The following NCAM1 variants were observed in gnomAD, a reference collection of about 807,000 sequenced individuals.
NCAM1 encodes neural cell adhesion molecule 1.
A neutral mutation model predicts 109.8 loss-of-function variants in NCAM1; 14 were observed. The observed-to-expected ratio is 0.13, with a 90% CI of 0.08 to 0.20. The LOEUF (loss-of-function observed/expected upper bound fraction) is 0.20. NCAM1 is among the 10% of genes least tolerant of loss of function. NCAM1 has a pLI of 1.00. For synonymous variants in NCAM1, 418 were observed against 442.9 expected (o/e 0.94, Z 0.70); for missense variants, 774 against 1,109.9 (o/e 0.70, Z 4.30).
chr11:113,034,275 CT>C (rs57374396), intron 1 of NCAM1, among the ~76,000 whole-genome samples: 20,650 of 147,910 alleles, frequency 0.14, 1,446 homozygotes, highest in African/African-American at 0.15. Context: ...GGACAATAGA[CT>C]TTTTTTTTTT....
intron 15 of NCAM1, among the ~76,000 whole-genome samples, chr11:113,252,752 C>T (rs559479785): frequency 6.7e-6 from 1 of 149,640 alleles, no homozygotes; most frequent in South Asian, 2.1e-4. Flanking sequence ...TCTCGTGCCT[C>T]AGCCTCTTCA....
chr11:113,131,743 G>C (rs149780935), intron 1 of NCAM1, among the ~76,000 whole-genome samples: 1 of 152,324 alleles, frequency 6.6e-6, no homozygotes, highest in African/African-American at 2.4e-5. Flanking sequence ...GCTGATAGGA[G>C]AGATGAGTGG....
chr11:113,125,796 A>C (rs546205376), intron 1 of NCAM1, among the ~76,000 whole-genome samples: 2 of 152,146 alleles, frequency 1.3e-5, no homozygotes, highest in Non-Finnish European at 2.9e-5. Context: ...CCCACATTGC[A>C]AAGTGTGATC....
intron 1 of NCAM1, among the ~76,000 whole-genome samples, chr11:113,036,443 C>T (rs1952888308): frequency 6.6e-6 from 1 of 151,990 alleles, no homozygotes; most frequent in South Asian, 2.1e-4. Context: ...ATTCCATTGC[C>T]TGAACCACCT....
intron 1 of NCAM1, among the ~76,000 whole-genome samples, chr11:113,158,748 T>C (rs1261317651): frequency 6.6e-6 from 1 of 152,214 alleles, no homozygotes; most frequent in Non-Finnish European, 1.5e-5. Flanking sequence ...GTAGTAGACA[T>C]GCTGTACATA....
At chr11:113,118,576 T>C (rs1061) in intron 1 of NCAM1, among the ~76,000 whole-genome samples, 86,303 of 151,680 alleles carry the variant, frequency 0.57, 25,137 homozygotes, top group African/African-American at 0.62. Flanking sequence ...ACTTATTTAT[T>C]GTCTGTCTCC....
intron 1 of NCAM1, among the ~76,000 whole-genome samples, chr11:113,080,508 A>G (rs1938759534): frequency 6.9e-6 from 1 of 145,532 alleles, no homozygotes; most frequent in Non-Finnish European, 1.5e-5. Context: ...GTCAAGTTTG[A>G]TGCGGGTGGT....
intron 1 of NCAM1, among the ~76,000 whole-genome samples, 188 bp downstream of exon 1, chr11:112,961,852 T>C (rs1055990531): frequency 3.9e-5 from 6 of 152,106 alleles, no homozygotes; most frequent in Non-Finnish European, 7.4e-5. Context: ...AGGGCTGCGC[T>C]GCACGGGGCT....
chr11:113,240,618 C>T, intron 14 of NCAM1: 1 of 668,770 alleles, frequency 1.5e-6, no homozygotes, highest in Non-Finnish European at 2.7e-6. Flanking sequence ...AGCCCTGCTC[C>T]TCGCTAGTGC....
chr11:113,154,340 G>C (rs144852176), intron 1 of NCAM1, among the ~76,000 whole-genome samples: 2 of 152,312 alleles, frequency 1.3e-5, no homozygotes, highest in East Asian at 3.9e-4. Flanking sequence ...ACAGATGTGG[G>C]GTTTTTCAAG....
At chr11:113,234,096 ACTT>A (rs1945091231) in intron 13 of NCAM1, among the ~76,000 whole-genome samples, 2 of 149,010 alleles carry the variant, frequency 1.3e-5, no homozygotes, top group Admixed American at 1.3e-4. Context: ...AGTTTCCATC[ACTT>A]CTTCAGCTTC....
chr11:113,211,340 A>G (rs1944386913), intron 7 of NCAM1, among the ~76,000 whole-genome samples: 1 of 152,232 alleles, frequency 6.6e-6, no homozygotes, highest in Non-Finnish European at 1.5e-5. Flanking sequence ...CTGTGGCCTC[A>G]AGAAGGAATG....
At chr11:113,220,152 A>C (rs946774548) in intron 8 of NCAM1, among the ~76,000 whole-genome samples, 4 of 152,258 alleles carry the variant, frequency 2.6e-5, no homozygotes, top group Non-Finnish European at 4.4e-5. Flanking sequence ...TATGAAAAAC[A>C]GATAAACTGT....
intron 1 of NCAM1, among the ~76,000 whole-genome samples, chr11:113,067,942 G>GCT (rs1555084498): frequency 1.5e-5 from 2 of 131,458 alleles, no homozygotes; most frequent in African/African-American, 5.8e-5. Context: ...ACGGAGTCTC[G>GCT]CTCTGTCACC....
intron 1 of NCAM1, among the ~76,000 whole-genome samples, chr11:112,994,596 A>C (rs1244955067): frequency 6.6e-6 from 1 of 152,208 alleles, no homozygotes; most frequent in Non-Finnish European, 1.5e-5. Flanking sequence ...ACAATGGGGA[A>C]GAGGAGTCAG....
At chr11:113,157,136 GACACACACAC>G (rs112454729) in intron 1 of NCAM1, among the ~76,000 whole-genome samples, 5 of 146,878 alleles carry the variant, frequency 3.4e-5, no homozygotes, top group African/African-American at 7.5e-5. Flanking sequence ...GTTTCCCTGA[GACACACACAC>G]ACACACACAC....
chr11:113,204,641 T>G (rs1482177583), intron 3 of NCAM1, 137 bp downstream of exon 3: 8 of 885,786 alleles, frequency 9.0e-6, no homozygotes, highest in Non-Finnish European at 1.4e-5. Flanking sequence ...CTAAGTCTTT[T>G]CTGACCTTGG....
chr11:112,998,078 C>T (rs1330351888), intron 1 of NCAM1, among the ~76,000 whole-genome samples: 15 of 152,120 alleles, frequency 9.9e-5, no homozygotes. Context: ...TTACTAAATG[C>T]TAGGGTTGAA....
rs549434700 is a variant in NCAM1, at chr11:113,158,276, G to A, written c.53-44103G>A. Among the ~76,000 whole-genome samples the A allele has an allele frequency of 7.3e-5, 11 of 151,112 alleles. No homozygotes were observed. In the East Asian group the frequency reaches 1.6e-3, roughly 22 times the overall value. ...ACCAAGTTGTTTCCTTAAAATGACA[G>A]GCTTACTTCATTCATTGTTGGGAAA... On this transcript the variant is annotated intron_variant, in intron 1 of 19. Transcript: ENST00000316851.
Sources: gnomAD v4.1 joint callset for allele counts (sites outside exome capture counted in the v4.1 genomes callset) on GRCh38, gnomAD v4.1.1 for gene constraint, MANE v1.5 for transcripts, NCBI Gene and HGNC (gene_info 2026-07-23, HGNC 2026-07-21) for gene names.